MYO5B: variants seen among roughly 807,000 people sequenced by gnomAD.
MYO5B encodes the protein myosin VB.
A neutral mutation model predicts 229.3 loss-of-function variants in MYO5B; 143 were observed. The ratio of observed to expected loss-of-function variants is 0.62; its 90% CI spans 0.54 to 0.72. MYO5B has a LOEUF of 0.72. Among genes scored for constraint, MYO5B ranks in the 30% least tolerant of loss-of-function variants. The pLI, the probability that MYO5B is intolerant of heterozygous loss-of-function variation, is 0.00. For missense variants in MYO5B, 2,321 were observed against 2,331.0 expected, an observed-to-expected ratio of 1.00 and a Z score of 0.09; for synonymous variants, 918 against 885.2, an observed-to-expected ratio of 1.04 and a Z score of -0.66.
chr18:49,887,936 T>C (rs1193465858), intron 22 of MYO5B, among the ~76,000 whole-genome samples: 1 of 152,052 alleles, frequency 6.6e-6, no homozygotes, highest in Non-Finnish European at 1.5e-5. Context: ...TCCACCCACC[T>C]CAGCCTCCCA....
chr18:49,843,022 C>T (rs879324303), intron 34 of MYO5B, among the ~76,000 whole-genome samples: 1 of 152,232 alleles, frequency 6.6e-6, no homozygotes, highest in African/African-American at 2.4e-5. Context: ...GCTACCTACA[C>T]CAGAGTCCTC....
chr18:50,011,994 G>T (rs1414799944), intron 4 of MYO5B, among the ~76,000 whole-genome samples: 1 of 152,044 alleles, frequency 6.6e-6, no homozygotes, highest in Non-Finnish European at 1.5e-5. Context: ...CAGGGAAGAG[G>T]CAACGCTGAC....
chr18:50,145,823 TG>T (rs772294151), intron 1 of MYO5B, among the ~76,000 whole-genome samples: 156 of 152,138 alleles, frequency 1.0e-3, no homozygotes, highest in Non-Finnish European at 1.9e-3. Context: ...AAAAAATGGA[TG>T]GTTTTCCATT....
At chr18:49,898,438 G>C (rs1373230103) in intron 21 of MYO5B, among the ~76,000 whole-genome samples, 1 of 152,160 alleles carries the variant, frequency 6.6e-6, no homozygotes, top group African/African-American at 2.4e-5. Context: ...AAGTTAAACT[G>C]GCCAACTCTA....
At chr18:50,189,033 A>G (rs2033192474) in intron 1 of MYO5B, among the ~76,000 whole-genome samples, 1 of 152,178 alleles carries the variant, frequency 6.6e-6, no homozygotes, top group African/African-American at 2.4e-5. Flanking sequence ...ATGAGAGAAG[A>G]AAAAAACCAC....
intron 1 of MYO5B, among the ~76,000 whole-genome samples, chr18:50,165,219 C>T (rs2032827510): frequency 6.6e-6 from 1 of 151,460 alleles, no homozygotes; most frequent in Non-Finnish European, 1.5e-5. Context: ...TGGCTCATGC[C>T]TGTAATCAAT....
intron 1 of MYO5B, among the ~76,000 whole-genome samples, chr18:50,114,806 G>A (rs2031929498): frequency 6.6e-6 from 1 of 152,192 alleles, no homozygotes; most frequent in African/African-American, 2.4e-5. Context: ...TACCTCCACA[G>A]GTGGAGCAGG....
At chr18:50,048,587 C>T (rs558470891) in intron 2 of MYO5B, among the ~76,000 whole-genome samples, 27 of 152,182 alleles carry the variant, frequency 1.8e-4, no homozygotes, top group African/African-American at 6.3e-4. Flanking sequence ...AGCACCCACT[C>T]GACAAAAGTA....
rs71169479 is a variant in MYO5B, at chr18:50,107,109, C to CTTTTT, written c.28-51736_28-51732dup. On this transcript the variant is annotated intron_variant, in intron 1 of 39. Transcript: ENST00000285039. ...AGGGTTTCCTAATGCCTTAGGGTGC[C>CTTTTT]TTTTTTTTTTTTTTTTTTTTTTTTT... Among the ~76,000 whole-genome samples the CTTTTT allele has an allele frequency of 3.9e-4, 22 of 56,650 alleles. 1 individual carries two copies. Among genetic ancestry groups the CTTTTT allele is most frequent in the East Asian group, 5.9e-4 (1 of 1,702 alleles). The allele number at this position is 56,650 out of a possible 152,430, so 37.2% of individuals were successfully genotyped here.
chr18:49,826,551 G>A lies in MYO5B; in HGVS notation c.5467C>T (p.Pro1823Ser). 6.2e-7 allele frequency: 1 copy of A among 1,614,058 alleles called. No individual in the cohort carries two copies. Among genetic ancestry groups the A allele is most frequent in the South Asian group, 1.1e-5 (1 of 91,078 alleles). ...ATGGTTAGAGAAGATGGATTAAATGGAAACAAAACAGGAAACATGTGCTTG... is the reference window on the plus strand; with the variant it reads ...ATGGTTAGAGAAGATGGATTAAATGAAAACAAAACAGGAAACATGTGCTTG... ...DAKHMFPVLF[P>S]FNPSSLTMDS... is the part of the protein sequence containing the mutation. The change falls in exon 40 of 40, where the codon CCA (proline) becomes TCA (serine). Residue 1823 changes from proline to serine, a missense_variant. Physicochemically the swap from Pro to Ser is moderately conservative, Grantham distance 74 (BLOSUM62 -1). Around this residue, in one of 2 missense-constraint regions of MYO5B, gnomAD observed 208 missense variants for 286.3 expected, o/e 0.73. Transcript: ENST00000285039.
intron 1 of MYO5B, among the ~76,000 whole-genome samples, chr18:50,121,855 C>T (rs2032062639): frequency 6.6e-6 from 1 of 152,244 alleles, no homozygotes; most frequent in Admixed American, 6.5e-5. Flanking sequence ...CAAAGACTGC[C>T]AGGACCCCAT....
intron 39 of MYO5B, among the ~76,000 whole-genome samples, chr18:49,829,956 A>G (rs996288995): frequency 6.6e-6 from 1 of 152,242 alleles, no homozygotes; most frequent in African/African-American, 2.4e-5. Context: ...CACATTTAAC[A>G]TCACAAATAT....
intron 1 of MYO5B, among the ~76,000 whole-genome samples, chr18:50,122,632 GGGGAGAGAGAGAGAGAGAGAGAGAGAGA>G (rs1568115288): frequency 7.5e-5 from 1 of 13,406 alleles, no homozygotes; most frequent in Non-Finnish European, 1.7e-4. Flanking sequence ...GGGAAGGGGG[GGGGAGAGAGAGAGAGAGAGAGAGAGAGA>G]GAGAGAGAGA....
Position 49,894,547 on chromosome 18 carries a change from TG to T in MYO5B, c.3045+393del, listed in dbSNP as rs1193552107. On this transcript the variant is annotated intron_variant, in intron 22 of 39. Coordinates refer to ENST00000285039, the MANE Select transcript of MYO5B (RefSeq NM_001080467.3). ...TCCACCAAAGCACAGTGCTGCATCA[TG>T]GGCAAGGGTGCCCAGAAGCTGCCCT... is the stretch of plus-strand genomic sequence containing the variant. 1.4e-4 allele frequency among the ~76,000 whole-genome samples: 21 copies of T among 152,160 alleles called. No homozygotes were observed. In the East Asian group the frequency reaches 4.1e-3, roughly 29 times the overall value.
intron 1 of MYO5B, among the ~76,000 whole-genome samples, chr18:50,140,304 T>C (rs2032398762): frequency 6.6e-6 from 1 of 152,238 alleles, no homozygotes; most frequent in Admixed American, 6.5e-5. Flanking sequence ...ACACATTATC[T>C]TTTTTGAAAC....
intron 21 of MYO5B, among the ~76,000 whole-genome samples, chr18:49,899,780 A>C (rs2024819686): frequency 6.6e-6 from 1 of 152,378 alleles, no homozygotes; most frequent in South Asian, 2.1e-4. Flanking sequence ...AGTGCAGGCA[A>C]GGGCACAAGA....
chr18:50,009,310 G>A (rs111458595), intron 4 of MYO5B, among the ~76,000 whole-genome samples: 94 of 152,188 alleles, frequency 6.2e-4, no homozygotes, highest in African/African-American at 2.0e-3. Flanking sequence ...CCCGGGAGGC[G>A]GAGGTTGCAG....
chr18:49,876,773 C>A (rs140041318), intron 25 of MYO5B, among the ~76,000 whole-genome samples: 2 of 152,350 alleles, frequency 1.3e-5, no homozygotes, highest in South Asian at 4.1e-4. Flanking sequence ...TTACTAAGTG[C>A]GTCTGGCAGG....
intron 11 of MYO5B, among the ~76,000 whole-genome samples, 168 bp from the exon 12 acceptor site, chr18:49,962,574 CGATTCCT>C (rs2025572206): frequency 6.6e-6 from 1 of 152,144 alleles, no homozygotes; most frequent in African/African-American, 2.4e-5. Context: ...CACAGTTAGG[CGATTCCT>C]CATGCCTGGG....
Sources: allele counts gnomAD v4.1 joint callset (sites outside exome capture counted in the v4.1 genomes callset), GRCh38; gene constraint gnomAD v4.1.1; regional missense constraint gnomAD v4.1.1; transcripts MANE v1.5; gene names NCBI Gene and HGNC (gene_info 2026-07-23, HGNC 2026-07-21).